Variants in BCL2 observed in about 807,000 individuals in gnomAD.
The protein encoded by BCL2 is BCL2 apoptosis regulator.
BCL2 carries 1 observed loss-of-function variant against 14.2 expected under a neutral mutation model. The ratio of observed to expected loss-of-function variants is 0.07; its 90% confidence interval spans 0.02 to 0.33. The LOEUF is 0.33. Ranked by LOEUF, BCL2 falls within the 10% of genes least tolerant of loss-of-function variation. The pLI is 0.99. For missense variants in BCL2, 247 were observed against 305.9 expected, an observed-to-expected ratio of 0.81 and a Z score of 1.44; for synonymous variants, 151 against 137.2, an observed-to-expected ratio of 1.10 and a Z score of -0.70.
chr18:63,264,292 C>G (rs1194666914), intron 2 of BCL2, among the ~76,000 whole-genome samples: 1 of 152,174 alleles, frequency 6.6e-6, no homozygotes, highest in African/African-American at 2.4e-5. Flanking sequence ...TAAACCCTCT[C>G]CCTGGCACTG....
intron 2 of BCL2, among the ~76,000 whole-genome samples, chr18:63,162,846 TCCTTCCTTC>T (rs1914956860): frequency 3.7e-5 from 3 of 81,826 alleles, no homozygotes; most frequent in African/African-American, 3.4e-4. Context: ...TTTCCATCCC[TCCTTCCTTC>T]CCTCCTTCCT....
chr18:63,298,685 TATTCCCC>T (rs1912868219), intron 2 of BCL2, among the ~76,000 whole-genome samples: 1 of 152,240 alleles, frequency 6.6e-6, no homozygotes, highest in Non-Finnish European at 1.5e-5. Flanking sequence ...TTTCTAGGAC[TATTCCCC>T]AGAGAAATTC....
chr18:63,208,306 C>T (rs1298345252), intron 2 of BCL2: 1 of 152,210 alleles, frequency 6.6e-6, no homozygotes, highest in Admixed American at 6.5e-5. Flanking sequence ...GACCTACCCA[C>T]AGAAAGACAT....
At position 63,318,067 on chromosome 18, in the gene BCL2, A is replaced by C. The variant is rs1390725787; in HGVS notation, c.585+15T>G. 3 of 1,613,166 alleles carry C rather than the reference A, an allele frequency of 1.9e-6. No homozygotes were observed. Among genetic ancestry groups the C allele is most frequent in the Non-Finnish European group, 2.5e-6 (3 of 1,179,602 alleles). On this transcript the variant is annotated intron_variant, in intron 2 of 2. Transcript: ENST00000333681. The surrounding 1 kb of genome is among the most constrained non-coding windows in gnomAD (Gnocchi z 7.4). ...TGTGGCCTCAGCCCAGACTCACATCACCAAGTGCACCTACCCAGCCTCCGT... is the reference window on the plus strand; with the variant it reads ...TGTGGCCTCAGCCCAGACTCACATCCCCAAGTGCACCTACCCAGCCTCCGT...
At chr18:63,194,429 G>T (rs1909384993) in intron 2 of BCL2, among the ~76,000 whole-genome samples, 1 of 151,968 alleles carries the variant, frequency 6.6e-6, no homozygotes, top group South Asian at 2.1e-4. Context: ...TGCCCCACAG[G>T]ATTCAAGCAA....
At chr18:63,153,252 A>G (rs1914693532) in intron 2 of BCL2, among the ~76,000 whole-genome samples, 1 of 152,252 alleles carries the variant, frequency 6.6e-6, no homozygotes, top group African/African-American at 2.4e-5. Flanking sequence ...GAATTCATAA[A>G]ACAGAGAAAA....
chr18:63,267,502 C>G (rs1339482930), intron 2 of BCL2, among the ~76,000 whole-genome samples: 1 of 152,094 alleles, frequency 6.6e-6, no homozygotes, highest in Non-Finnish European at 1.5e-5. Flanking sequence ...GAGTTTTGAC[C>G]TCATCAGTTT....
In BCL2 at chr18:63,210,673, T is replaced by C. The variant is rs545291233; in HGVS notation, c.586-81914A>G. ...TTTTATCTGAGTTTCAGTTCAGTCATATGTCTGAGAATGAGTTTATCTAGC... is the reference window on the plus strand; with the variant it reads ...TTTTATCTGAGTTTCAGTTCAGTCACATGTCTGAGAATGAGTTTATCTAGC... On this transcript the variant is annotated intron_variant, in intron 2 of 2. Coordinates refer to ENST00000333681, the MANE Select transcript of BCL2 (RefSeq NM_000633.3). Among the ~76,000 whole-genome samples, 79 of 152,352 alleles carry C rather than the reference T, an allele frequency of 5.2e-4. 1 individual carries two copies. The highest frequency in any genetic ancestry group is 1.8e-3 in the African/African-American group (76 of 41,580).
chr18:63,248,323 A>C (rs1840934137), intron 2 of BCL2, among the ~76,000 whole-genome samples: 1 of 152,212 alleles, frequency 6.6e-6, no homozygotes, highest in Non-Finnish European at 1.5e-5. Context: ...AGAAATAAAA[A>C]CAAACTACGT....
intron 2 of BCL2, among the ~76,000 whole-genome samples, chr18:63,239,869 A>AGGGAAATG (rs1187867517): frequency 6.6e-6 from 1 of 152,370 alleles, no homozygotes; most frequent in East Asian, 1.9e-4. Flanking sequence ...AATAGGCCAA[A>AGGGAAATG]GGGAAATGGG....
chr18:63,152,663 G>A lies in BCL2; in HGVS notation c.586-23904C>T, dbSNP rs565590705. Among the ~76,000 whole-genome samples, 5 of 152,278 alleles carry A rather than the reference G, an allele frequency of 3.3e-5. No individual in the cohort carries two copies. In the East Asian group the frequency reaches 7.7e-4, roughly 24 times the overall value. ...TACTAAAAAATAAAGGGCCAACCAA[G>A]TATTCCCAGGAGGCAAAACAATAGC... is the stretch of plus-strand genomic sequence containing the variant. On this transcript the variant is annotated intron_variant, in intron 2 of 2. Transcript: ENST00000333681.
At chr18:63,313,957 A>T (rs1007138006) in intron 2 of BCL2, 1 of 152,252 alleles carries the variant, frequency 6.6e-6, no homozygotes, top group Non-Finnish European at 1.5e-5. Flanking sequence ...GCTGAAAGTA[A>T]CAGAATGCGC....
intron 2 of BCL2, among the ~76,000 whole-genome samples, chr18:63,133,860 A>G (rs1016632149): frequency 1.1e-4 from 16 of 152,232 alleles, no homozygotes; most frequent in African/African-American, 3.9e-4. Flanking sequence ...TAAAGTGCAC[A>G]GATTATGTAT....
chr18:63,240,215 C>T (rs925255512), intron 2 of BCL2, among the ~76,000 whole-genome samples: 3 of 152,152 alleles, frequency 2.0e-5, no homozygotes, highest in African/African-American at 7.2e-5. Flanking sequence ...TCTTGAACTC[C>T]TGGGCTCAAG....
At chr18:63,255,985 C>T (rs1599272836) in intron 2 of BCL2, among the ~76,000 whole-genome samples, 1 of 152,074 alleles carries the variant, frequency 6.6e-6, no homozygotes, top group African/African-American at 2.4e-5. Context: ...GACTGATAAC[C>T]AATCTTAATC....
chr18:63,311,552 G>T (rs1568266484), intron 2 of BCL2, among the ~76,000 whole-genome samples: 1 of 152,190 alleles, frequency 6.6e-6, no homozygotes, highest in Non-Finnish European at 1.5e-5. Flanking sequence ...TGGGAGACAT[G>T]ATAATGAGCA....
intron 2 of BCL2, among the ~76,000 whole-genome samples, chr18:63,147,139 A>G (rs1400696606): frequency 6.6e-6 from 1 of 152,140 alleles, no homozygotes; most frequent in African/African-American, 2.4e-5. Flanking sequence ...AAGCCACACA[A>G]TGGCAAGCTG....
intron 2 of BCL2, among the ~76,000 whole-genome samples, chr18:63,154,548 A>G (rs950610499): frequency 3.9e-5 from 6 of 152,108 alleles, no homozygotes; most frequent in African/African-American, 1.4e-4. Flanking sequence ...TGGCAGCATC[A>G]GCTGCAGCCT....
intron 2 of BCL2, chr18:63,317,858 G>T: frequency 7.1e-7 from 1 of 1,404,252 alleles, no homozygotes; most frequent in Non-Finnish European, 9.2e-7. Flanking sequence ...GGATCTCCAC[G>T]ACTAGCAAGC....
Sources: gnomAD v4.1 joint callset for allele counts (sites outside exome capture counted in the v4.1 genomes callset) on GRCh38, gnomAD v4.1.1 for gene constraint, Gnocchi (gnomAD v3.1) non-coding constraint, MANE v1.5 for transcripts, NCBI Gene and HGNC (gene_info 2026-07-23, HGNC 2026-07-21) for gene names.